Variants in RPS7 observed in about 807,000 individuals in gnomAD.
RPS7 encodes the protein ribosomal protein S7, also known as small ribosomal subunit protein eS7.
A neutral mutation model predicts 22.1 loss-of-function variants in RPS7; 1 was observed. That is an observed-to-expected ratio of 0.05 (90% CI 0.02 to 0.21). RPS7 has a LOEUF of 0.21. RPS7 is among the 10% of genes least tolerant of loss of function. RPS7 has a pLI of 1.00. For missense variants in RPS7, 137 were observed against 246.4 expected (o/e 0.56, Z 2.97); for synonymous variants, 80 against 92.0 (o/e 0.87, Z 0.74).
chr2:3,579,831 A>G (rs1459061656), intron 5 of RPS7: 3 of 542,890 alleles, frequency 5.5e-6, no homozygotes, highest in Non-Finnish European at 6.6e-6. Context: ...TTCCCTAGAG[A>G]TGGTCACTCA....
chr2:3,577,452 G>C (rs1395218206), intron 4 of RPS7: 1 of 525,798 alleles, frequency 1.9e-6, no homozygotes, highest in Non-Finnish European at 3.4e-6. Flanking sequence ...TCATAGGCAT[G>C]GGGAAAGGCG....
rs143416079 is a variant in RPS7, at chr2:3,577,292, C to T, written c.292-418C>T. 3.1e-3 allele frequency: 575 copies of T among 187,398 alleles called. 4 individuals carry two copies. Among genetic ancestry groups the T allele is most frequent in the African/African-American group, 0.012 (502 of 42,030 alleles). 11.6% of individuals were successfully genotyped at this position (187,398 alleles called of 1,614,324 possible). ...TGGAGCTTGCAGTGAGCCGAGATCCCGCCACTGAACTTCAGCCTGGGCGAC... is the reference window on the plus strand; with the variant it reads ...TGGAGCTTGCAGTGAGCCGAGATCCTGCCACTGAACTTCAGCCTGGGCGAC... On this transcript the variant is annotated intron_variant, in intron 4 of 6. Coordinates refer to ENST00000645674, the MANE Select transcript of RPS7 (RefSeq NM_001011.4).
intron 1 of RPS7, 75 bp from the exon 2 acceptor site, chr2:3,575,517 G>C: frequency 2.0e-6 from 2 of 998,578 alleles, no homozygotes; most frequent in Non-Finnish European, 1.6e-6. Flanking sequence ...GGGCCTGGCC[G>C]GGGGGTGCGG....
chr2:3,579,945 T>C, intron 5 of RPS7, 165 bp from the exon 6 acceptor site: 1 of 716,146 alleles, frequency 1.4e-6, no homozygotes, highest in South Asian at 1.6e-5. Flanking sequence ...AGGCAAAGGC[T>C]TTAGTTTGGT....
chr2:3,579,907 A>G, intron 5 of RPS7: 1 of 611,154 alleles, frequency 1.6e-6, no homozygotes, highest in Non-Finnish European at 2.9e-6. Flanking sequence ...TTTGAAATAA[A>G]TCAGTAAGCT....
intron 3 of RPS7, chr2:3,576,235 G>A: frequency 1.7e-6 from 1 of 597,788 alleles, no homozygotes; most frequent in South Asian, 2.0e-5. Context: ...CGGAGTTGCC[G>A]CAAGTGGGGG....
At chr2:3,578,814 C>G (rs1661341179) in intron 5 of RPS7, 1 of 152,158 alleles carries the variant, frequency 6.6e-6, no homozygotes, top group Non-Finnish European at 1.5e-5. Flanking sequence ...TCCCTCAAAT[C>G]CATAGCTTTA....
At chr2:3,576,137 C>T in intron 3 of RPS7, 2 of 601,928 alleles carry the variant, frequency 3.3e-6, no homozygotes, top group Non-Finnish European at 5.9e-6. Context: ...GGCCTGGGCC[C>T]ATTTCGGACC....
At position 3,576,277 on chromosome 2, in the gene RPS7, T is replaced by C. The variant is rs1251655389; in HGVS notation, c.148-210T>C. ...AGTGGTAGTGATTGGCCTCCTGGCCTGAACAGTCTCCCTTCCTGGAATAAG... is the reference window on the plus strand; with the variant it reads ...AGTGGTAGTGATTGGCCTCCTGGCCCGAACAGTCTCCCTTCCTGGAATAAG... On this transcript the variant is annotated intron_variant, in intron 3 of 6. Transcript: ENST00000645674. 9.4e-6 allele frequency: 6 copies of C among 641,186 alleles called. No homozygotes were observed. The South Asian group carries it at 1.1e-4, about 12-fold the overall frequency. 39.7% of individuals were successfully genotyped at this position (641,186 alleles called of 1,614,324 possible).
In RPS7 at chr2:3,576,678, A is replaced by C. The variant is rs749325588; in HGVS notation, c.291+48A>C. 2.5e-6 allele frequency: 4 copies of C among 1,606,516 alleles called. No individual in the cohort carries two copies. In the Admixed American group the frequency reaches 6.7e-5, roughly 27 times the overall value. ...ACGTTTCTGTTTGTGAATTTTGCTA[A>C]AATTGCTTGTATTTAGACTGCATTG... On this transcript the variant is annotated intron_variant, in intron 4 of 6. Transcript: ENST00000645674.
At chr2:3,577,421 G>A in intron 4 of RPS7, 1 of 422,502 alleles carries the variant, frequency 2.4e-6, no homozygotes, top group South Asian at 2.6e-5. Context: ...GATTGATCTG[G>A]AATAAAAGTA....
intron 4 of RPS7, chr2:3,576,890 T>A: frequency 2.0e-6 from 1 of 512,380 alleles, no homozygotes; most frequent in East Asian, 3.6e-5. Flanking sequence ...AAATAAGTTT[T>A]AAAAAGAAAG....
chr2:3,580,565 C>G (rs1661382759), intron 6 of RPS7: 1 of 621,904 alleles, frequency 1.6e-6, no homozygotes, highest in Admixed American at 2.8e-5. Context: ...CTTGGGGGGA[C>G]ATAACCATGT....
At chr2:3,579,794 G>A (rs1401607605) in intron 5 of RPS7, 1 of 445,930 alleles carries the variant, frequency 2.2e-6, no homozygotes, top group Non-Finnish European at 4.1e-6. Flanking sequence ...TGAAAATAAA[G>A]ATGTATAAAA....
At chr2:3,576,174 A>G (rs1349232815) in intron 3 of RPS7, 18 of 588,394 alleles carry the variant, frequency 3.1e-5, no homozygotes, top group East Asian at 2.0e-4. Flanking sequence ...AGTTATAGAT[A>G]CGGCAAAGAG....
chr2:3,575,589 C>T lies in RPS7; in HGVS notation c.-18-3C>T, dbSNP rs893489743. ...CGCGTAACGCTGACCGCTGTGCCTT[C>T]AGTTCTCCCAGGAGAAAGCCATGTT... On this transcript the variant is annotated splice_polypyrimidine_tract_variant and splice_region_variant and intron_variant, in intron 1 of 6. Transcript: ENST00000645674. The T allele has an allele frequency of 1.9e-6, 3 of 1,605,040 alleles. No individual in the cohort carries two copies. The highest frequency in any genetic ancestry group is 1.7e-6 in the Non-Finnish European group (2 of 1,174,268).
intron 3 of RPS7, 87 bp from the exon 4 acceptor site, chr2:3,576,400 G>A: frequency 8.7e-7 from 1 of 1,146,886 alleles, no homozygotes; most frequent in South Asian, 1.2e-5. Context: ...TACGGTGTTA[G>A]TGATAAGGTC....
At position 3,577,422 on chromosome 2, in the gene RPS7, A is replaced by C. The variant is rs538641475; in HGVS notation, c.292-288A>C. On this transcript the variant is annotated intron_variant, in intron 4 of 6. Transcript: ENST00000645674. The stretch of plus-strand genomic sequence containing the variant: ...GAATGAAGTGCCAGGATTGATCTGG[A>C]ATAAAAGTAGTATTCTGGGTCATAG... 33 of 425,014 alleles carry C rather than the reference A, an allele frequency of 7.8e-5. No individual in the cohort carries two copies. In the East Asian group the frequency reaches 1.0e-3, roughly 13 times the overall value. The allele number at this position is 425,014 out of a possible 1,614,324, so 26.3% of individuals were successfully genotyped here. A position where few individuals can be genotyped will look rare whatever the true frequency, so the allele number is the denominator to read the frequency against.
chr2:3,576,755 A>C, intron 4 of RPS7, 125 bp downstream of exon 4: 1 of 1,217,766 alleles, frequency 8.2e-7, no homozygotes, highest in Admixed American at 1.7e-5. Flanking sequence ...GGGTAGAAAG[A>C]TAAAGTACAG....
Sources: gnomAD v4.1 joint callset for allele counts on GRCh38, gnomAD v4.1.1 for gene constraint, MANE v1.5 for transcripts, NCBI Gene and HGNC (gene_info 2026-07-23, HGNC 2026-07-21) for gene names.